SLC1A1: variants seen among roughly 807,000 people sequenced by gnomAD.
The protein encoded by SLC1A1 is excitatory amino acid transporter 3.
A neutral mutation model predicts 53.3 loss-of-function variants in SLC1A1; 43 were observed. The ratio of observed to expected loss-of-function variants is 0.81; its 90% CI spans 0.63 to 1.04. The LOEUF (loss-of-function observed/expected upper bound fraction) is 1.04, where lower values mean the gene tolerates loss of function less well. Among genes scored for constraint, SLC1A1 ranks in the 50% least tolerant of loss-of-function variants. The pLI is 0.00. For missense variants in SLC1A1, 748 were observed against 664.9 expected, an observed-to-expected ratio of 1.12 and a Z score of -1.37; for synonymous variants, 307 against 243.2, an observed-to-expected ratio of 1.26 and a Z score of -2.44.
chr9:4,508,130 G>A (rs534262817), intron 1 of SLC1A1, among the ~76,000 whole-genome samples: 16 of 151,644 alleles, frequency 1.1e-4, no homozygotes, highest in South Asian at 2.1e-4. Context: ...GAACGTGACC[G>A]TGGGATAGAT....
At chr9:4,582,991 G>C in intron 10 of SLC1A1, 47 bp from the exon 11 acceptor site, 2 of 1,613,038 alleles carry the variant, frequency 1.2e-6, no homozygotes, top group African/African-American at 1.3e-5. Flanking sequence ...GGGCTTTAAC[G>C]GGAGAGGTAA....
At chr9:4,546,726 G>C (rs1393219736) in intron 2 of SLC1A1, among the ~76,000 whole-genome samples, 1 of 152,094 alleles carries the variant, frequency 6.6e-6, no homozygotes, top group African/African-American at 2.4e-5. Flanking sequence ...TGAATTTCTA[G>C]GCTCAAGCAA....
intron 2 of SLC1A1, among the ~76,000 whole-genome samples, chr9:4,551,953 C>T (rs149024930): frequency 6.6e-6 from 1 of 152,246 alleles, no homozygotes; most frequent in East Asian, 1.9e-4. Flanking sequence ...ATGAACATGC[C>T]ATTTGCAAGT....
At chr9:4,519,907 C>A (rs1816006773) in intron 1 of SLC1A1, among the ~76,000 whole-genome samples, 1 of 152,184 alleles carries the variant, frequency 6.6e-6, no homozygotes, top group Admixed American at 6.5e-5. Flanking sequence ...GTATGCAAGT[C>A]ATTAATTAAT....
intron 2 of SLC1A1, among the ~76,000 whole-genome samples, chr9:4,546,048 G>C (rs936467530): frequency 1.3e-5 from 2 of 152,078 alleles, no homozygotes; most frequent in Admixed American, 1.3e-4. Context: ...TAGAGTACTG[G>C]ACGTTGGTGG....
rs146143034 is a variant in SLC1A1 at position 4,568,398 on chromosome 9, G to A, written c.582+631G>A. Among the ~76,000 whole-genome samples the A allele has an allele frequency of 2.5e-3, 377 of 150,266 alleles. 1 individual carries two copies. Among genetic ancestry groups the A allele is most frequent in the African/African-American group, 8.8e-3 (360 of 40,788 alleles). On this transcript the variant is annotated intron_variant, in intron 6 of 11. Transcript: ENST00000262352. ...GAATCATTGCACTTCAGCCTGGGTA[G>A]CAGACTGAGACCCTGTCTCAAAAAA...
intron 1 of SLC1A1, among the ~76,000 whole-genome samples, chr9:4,537,850 C>G (rs1228734755): frequency 6.6e-6 from 1 of 151,888 alleles, no homozygotes; most frequent in African/African-American, 2.4e-5. Flanking sequence ...ACATTGGTGA[C>G]AGTTGTACAA....
chr9:4,492,021 G>C (rs558800637), intron 1 of SLC1A1, among the ~76,000 whole-genome samples: 63 of 152,340 alleles, frequency 4.1e-4, no homozygotes, highest in African/African-American at 1.5e-3. Flanking sequence ...GGAAAGGAAA[G>C]TCAGGTTTCT....
intron 2 of SLC1A1, among the ~76,000 whole-genome samples, chr9:4,558,938 A>C (rs1032899058): frequency 6.6e-6 from 1 of 152,226 alleles, no homozygotes; most frequent in Non-Finnish European, 1.5e-5. Flanking sequence ...GCATCTTAGA[A>C]ATAATTATTA....
At chr9:4,533,104 A>G (rs1816538672) in intron 1 of SLC1A1, among the ~76,000 whole-genome samples, 1 of 152,220 alleles carries the variant, frequency 6.6e-6, no homozygotes, top group Admixed American at 6.5e-5. Context: ...AGCCACTGCA[A>G]AAACACACCA....
chr9:4,509,674 C>T (rs566177475), intron 1 of SLC1A1, among the ~76,000 whole-genome samples: 4 of 152,238 alleles, frequency 2.6e-5, no homozygotes, highest in African/African-American at 9.6e-5. Flanking sequence ...TCAGCCCTCC[C>T]AGTGCACAGA....
Position 4,562,928 on chromosome 9 carries a change from T to C in SLC1A1, c.325+1387T>C, listed in dbSNP as rs548435851. On this transcript the variant is annotated intron_variant, in intron 3 of 11. Transcript: ENST00000262352. The stretch of plus-strand genomic sequence containing the variant: ...ATGATTTATAGTCCTTTAGATCACA[T>C]GGACACAGGAAGGGGAACATCACAC... Among the ~76,000 whole-genome samples the C allele has an allele frequency of 2.2e-4, 28 of 127,452 alleles. No individual in the cohort carries two copies. In the East Asian group the frequency reaches 5.9e-3, roughly 27 times the overall value. 83.6% of individuals were successfully genotyped at this position (127,452 alleles called of 152,430 possible). A position where few individuals can be genotyped will look rare whatever the true frequency, so the allele number is the denominator to read the frequency against.
chr9:4,558,532 G>A (rs1818639719), intron 2 of SLC1A1, among the ~76,000 whole-genome samples: 1 of 152,184 alleles, frequency 6.6e-6, no homozygotes, highest in Non-Finnish European at 1.5e-5. Context: ...ACTTGGGGAT[G>A]TATTTGTTTA....
chr9:4,585,399 G>A lies in SLC1A1; in HGVS notation c.1416G>A (p.Gln472=). 1.2e-6 allele frequency: 2 copies of A among 1,614,244 alleles called. No homozygotes were observed. The highest frequency in any genetic ancestry group is 1.7e-6 in the Non-Finnish European group (2 of 1,180,048). Reference sequence around the variant, plus strand: ...AGCTCTCCAAGAAGGAGCTGGAGCAGATGGATGTTTCATCTGAAGTCAACA... The same window carrying A: ...AGCTCTCCAAGAAGGAGCTGGAGCAAATGGATGTTTCATCTGAAGTCAACA... ...VEKLSKKELE[Q]MDVSSEVNIV... is the part of the protein sequence containing the mutation. Residue 472 remains glutamine, a synonymous_variant, in exon 12 of 12, where the codon CAG becomes CAA. Coordinates refer to ENST00000262352, the MANE Select transcript of SLC1A1 (RefSeq NM_004170.6).
At chr9:4,514,580 G>C (rs1821102770) in intron 1 of SLC1A1, among the ~76,000 whole-genome samples, 1 of 152,090 alleles carries the variant, frequency 6.6e-6, no homozygotes, top group Non-Finnish European at 1.5e-5. Flanking sequence ...AGAGAGCAGA[G>C]GGAGCAATAA....
chr9:4,504,327 C>A, intron 1 of SLC1A1, among the ~76,000 whole-genome samples: 1 of 152,306 alleles, frequency 6.6e-6, no homozygotes, highest in Middle Eastern at 3.4e-3. Flanking sequence ...TCCAAGTGTC[C>A]TTTCACATCC....
chr9:4,521,002 T>C (rs932558431), intron 1 of SLC1A1, among the ~76,000 whole-genome samples: 1 of 152,254 alleles, frequency 6.6e-6, no homozygotes, highest in Admixed American at 6.5e-5. Flanking sequence ...GTGGTTTTGA[T>C]TTATATTTCC....
chr9:4,497,292 G>T (rs544516756), intron 1 of SLC1A1, among the ~76,000 whole-genome samples: 1 of 152,204 alleles, frequency 6.6e-6, no homozygotes, highest in African/African-American at 2.4e-5. Flanking sequence ...GGGCAGAGCC[G>T]GGATTCAAAC....
chr9:4,495,178 AG>A (rs957222727), intron 1 of SLC1A1, among the ~76,000 whole-genome samples: 6 of 152,190 alleles, frequency 3.9e-5, no homozygotes, highest in African/African-American at 1.4e-4. Context: ...TTGTCTGTGA[AG>A]CCCCTGAGGA....
Sources: allele counts gnomAD v4.1 joint callset (sites outside exome capture counted in the v4.1 genomes callset), GRCh38; gene constraint gnomAD v4.1.1; transcripts MANE v1.5; gene names NCBI Gene and HGNC (gene_info 2026-07-23, HGNC 2026-07-21).